The following ANKRD36C variants were observed in gnomAD, a reference collection of about 807,000 sequenced individuals.
The protein encoded by ANKRD36C is ankyrin repeat domain-containing protein 36C.
A neutral mutation model predicts 276.4 loss-of-function variants in ANKRD36C; 61 were observed. The ratio of observed to expected loss-of-function variants is 0.22; its 90% CI spans 0.18 to 0.27. The LOEUF is 0.27. Among genes scored for constraint, ANKRD36C ranks in the 10% least tolerant of loss-of-function variants. ANKRD36C has a pLI of 1.00. For missense variants in ANKRD36C, 1,447 were observed against 2,032.3 expected (o/e 0.71, Z 5.54); for synonymous variants, 483 against 680.1 (o/e 0.71, Z 4.51).
intron 34 of ANKRD36C, 53 bp downstream of exon 36, chr2:95,919,680 A>G: frequency 3.4e-6 from 2 of 594,040 alleles, no homozygotes; most frequent in Non-Finnish European, 4.2e-6. Flanking sequence ...CGGGATAGAG[A>G]AGTTCTTTTT....
exon 1 of ANKRD36C, chr2:95,991,787 A>G (rs1314115742): frequency 4.4e-6 from 6 of 1,374,938 alleles, no homozygotes; most frequent in Admixed American, 2.0e-5. Context: ...GAGCAACAAC[A>G]GGCAAAGCAG....
intron 64 of ANKRD36C, chr2:95,853,034 C>A (rs200127096): frequency 6.6e-6 from 1 of 152,260 alleles, no homozygotes; most frequent in Non-Finnish European, 1.5e-5. Context: ...TGCTGACCTT[C>A]TATAACCCCC....
chr2:95,947,084 T>G (rs1029607638), intron 17 of ANKRD36C, among the ~76,000 whole-genome samples: 5 of 151,320 alleles, frequency 3.3e-5, no homozygotes, highest in African/African-American at 1.2e-4. Context: ...CTGAAAAATA[T>G]GTATTTAATA....
chr2:95,886,020 A>G (rs749575317), intron 52 of ANKRD36C, 28 bp downstream of exon 72: 1 of 1,596,394 alleles, frequency 6.3e-7, no homozygotes, highest in Non-Finnish European at 8.5e-7. Flanking sequence ...TTGATCGAAC[A>G]TTACATTAAA....
intron 42 of ANKRD36C, among the ~76,000 whole-genome samples, chr2:95,911,051 A>G (rs188982772): frequency 3.4e-4 from 51 of 151,636 alleles, no homozygotes; most frequent in African/African-American, 1.0e-3. Context: ...ACTTCAGTTG[A>G]ACTTACACTT....
chr2:95,910,197 G>T (rs1464961745), intron 42 of ANKRD36C, among the ~76,000 whole-genome samples, 176 bp downstream of exon 46: 1 of 151,214 alleles, frequency 6.6e-6, no homozygotes, highest in Non-Finnish European at 1.5e-5. Flanking sequence ...TACAGCCAAG[G>T]TCATGTTCCA....
At chr2:95,982,224 A>C (rs1376026196) in intron 4 of ANKRD36C, 32 bp downstream of exon 4, 33 of 1,469,076 alleles carry the variant, frequency 2.2e-5, no homozygotes, top group Middle Eastern at 1.7e-4. Context: ...ACTCAGGTTT[A>C]AAAACAACAC....
At chr2:95,861,916 AGGCAGCT>A (rs1432555683) in intron 60 of ANKRD36C, among the ~76,000 whole-genome samples, 1 of 152,098 alleles carries the variant, frequency 6.6e-6, no homozygotes, top group East Asian at 1.9e-4. Flanking sequence ...CAGTTGGCAA[AGGCAGCT>A]GAGCAGGTGT....
intron 60 of ANKRD36C, among the ~76,000 whole-genome samples, chr2:95,864,940 C>A (rs1264314958): frequency 6.6e-6 from 1 of 152,026 alleles, no homozygotes; most frequent in Non-Finnish European, 1.5e-5. Flanking sequence ...TTGAAGGATA[C>A]AAATTCAATA....
intron 59 of ANKRD36C, among the ~76,000 whole-genome samples, chr2:95,871,716 A>T (rs550382868): frequency 2.6e-5 from 4 of 152,280 alleles, no homozygotes; most frequent in African/African-American, 9.6e-5. Flanking sequence ...AAAGACACAG[A>T]CTGGCAAATT....
At chr2:95,966,745 T>C (rs1269512322) in intron 6 of ANKRD36C, among the ~76,000 whole-genome samples, 2 of 152,192 alleles carry the variant, frequency 1.3e-5, no homozygotes, top group Admixed American at 1.3e-4. Flanking sequence ...ACCTACAAAT[T>C]ACTTTGGGCA....
At chr2:95,915,675 C>T (rs1677071349) in intron 38 of ANKRD36C, among the ~76,000 whole-genome samples, 1 of 151,490 alleles carries the variant, frequency 6.6e-6, no homozygotes, top group South Asian at 2.1e-4. Flanking sequence ...TCTCCTTACA[C>T]CCTTAATGAA....
chr2:95,967,789 TA>T (rs963126043), intron 6 of ANKRD36C, among the ~76,000 whole-genome samples: 6 of 151,214 alleles, frequency 4.0e-5, no homozygotes, highest in Admixed American at 2.0e-4. Flanking sequence ...GACTCTTTAT[TA>T]AAAAAAAATC....
At chr2:95,909,131 C>G (rs2104390937) in intron 42 of ANKRD36C, among the ~76,000 whole-genome samples, 1 of 145,038 alleles carries the variant, frequency 6.9e-6, no homozygotes, top group East Asian at 2.1e-4. Flanking sequence ...TGCTCTTTAA[C>G]TTGCCCAATA....
At position 95,920,481 on chromosome 2, in the gene ANKRD36C, T is replaced by C. The variant is rs1215784995; in HGVS notation, c.2245+1126A>G. ...TATCTGTTTGCTGATACCTAGTAGA[T>C]AATATTCATTATCTCTCACACCCAT... On this transcript the variant is annotated intron_variant, in intron 34 of 66. Transcript: ENST00000456556. Among the ~76,000 whole-genome samples the C allele has an allele frequency of 2.3e-5, 3 of 132,676 alleles. 1 individual carries two copies. 87.0% of individuals were successfully genotyped at this position (132,676 alleles called of 152,430 possible). A position where few individuals can be genotyped will look rare whatever the true frequency, so the allele number is the denominator to read the frequency against.
At chr2:95,911,171 C>G (rs1205929785) in intron 42 of ANKRD36C, among the ~76,000 whole-genome samples, 1 of 151,438 alleles carries the variant, frequency 6.6e-6, no homozygotes, top group Admixed American at 6.6e-5. Context: ...TAATACTTTG[C>G]TTAAGTTTCT....
At chr2:95,946,734 AATG>A (rs1678062272) in intron 17 of ANKRD36C, among the ~76,000 whole-genome samples, 1 of 152,142 alleles carries the variant, frequency 6.6e-6, no homozygotes, top group African/African-American at 2.4e-5. Flanking sequence ...AGCCACAAAA[AATG>A]ATGAGTTCAT....
rs575007642 is a variant in ANKRD36C at position 95,861,651 on chromosome 2, G to A, written c.3683-1577C>T. Among the ~76,000 whole-genome samples the A allele has an allele frequency of 3.3e-5, 5 of 151,970 alleles. No individual in the cohort carries two copies. In the East Asian group the frequency reaches 9.7e-4, roughly 29 times the overall value. ...TAAAATTGAATCATAAAAAACAGTT[G>A]ACTAATCTAAAGGAAAGCAGGAAAA... On this transcript the variant is annotated intron_variant, in intron 60 of 66. Coordinates refer to ENST00000456556, the Ensembl canonical transcript of ANKRD36C.
At chr2:95,977,416 T>C (rs1678834774) in intron 6 of ANKRD36C, among the ~76,000 whole-genome samples, 1 of 152,194 alleles carries the variant, frequency 6.6e-6, no homozygotes, top group Non-Finnish European at 1.5e-5. Context: ...TATTGTTTTT[T>C]TATAAATAAA....
Sources: gnomAD v4.1 joint callset for allele counts (sites outside exome capture counted in the v4.1 genomes callset) on GRCh38, gnomAD v4.1.1 for gene constraint, MANE v1.5 for transcripts, NCBI Gene and HGNC (gene_info 2026-07-23, HGNC 2026-07-21) for gene names.